Variants in SLC39A11 observed in about 807,000 individuals in gnomAD.
SLC39A11 encodes solute carrier family 39 member 11, also known as zinc transporter ZIP11.
A neutral mutation model predicts 36.1 loss-of-function variants in SLC39A11; 33 were observed. The ratio of observed to expected loss-of-function variants is 0.91; its 90% CI spans 0.69 to 1.22. The LOEUF (loss-of-function observed/expected upper bound fraction) is 1.22. Ranked by LOEUF, SLC39A11 falls within the 50% of genes most tolerant of loss-of-function variation. The pLI, the probability that SLC39A11 is intolerant of heterozygous loss-of-function variation, is 0.00. For synonymous variants in SLC39A11, 166 were observed against 170.3 expected (o/e 0.97, Z 0.20); for missense variants, 432 against 430.3 (o/e 1.00, Z -0.03).
chr17:72,811,068 C>CAAAAA (rs10707741), intron 6 of SLC39A11, among the ~76,000 whole-genome samples: 2 of 141,864 alleles, frequency 1.4e-5, no homozygotes, highest in Non-Finnish European at 1.6e-5. Flanking sequence ...TGAATAAAAG[C>CAAAAA]AAAAAAAAAA....
At chr17:72,722,884 C>T (rs946372338) in intron 7 of SLC39A11, among the ~76,000 whole-genome samples, 12 of 152,166 alleles carry the variant, frequency 7.9e-5, no homozygotes, top group Non-Finnish European at 1.3e-4. Context: ...GATCCACCAG[C>T]CTCGACCTCC....
At chr17:73,022,858 C>T (rs1161329154) in intron 4 of SLC39A11, among the ~76,000 whole-genome samples, 1 of 151,888 alleles carries the variant, frequency 6.6e-6, no homozygotes, top group Non-Finnish European at 1.5e-5. Context: ...CTATGAAGGG[C>T]CTGTGGCTTC....
chr17:72,910,813 G>A (rs988652744), intron 5 of SLC39A11, among the ~76,000 whole-genome samples: 4 of 150,542 alleles, frequency 2.7e-5, no homozygotes, highest in Admixed American at 2.0e-4. Flanking sequence ...TTTAATCCCA[G>A]CTACTCAGGA....
chr17:72,651,005 T>C (rs1277422658), intron 7 of SLC39A11, among the ~76,000 whole-genome samples: 1 of 152,080 alleles, frequency 6.6e-6, no homozygotes, highest in Non-Finnish European at 1.5e-5. Flanking sequence ...CTGTTTTTTT[T>C]ACCTTTATCC....
intron 6 of SLC39A11, among the ~76,000 whole-genome samples, chr17:72,750,802 G>A (rs1320889833): frequency 6.6e-6 from 1 of 151,826 alleles, no homozygotes; most frequent in African/African-American, 2.4e-5. Context: ...AAAAAAAACT[G>A]CCTTCCTTAC....
intron 5 of SLC39A11, among the ~76,000 whole-genome samples, chr17:72,941,228 G>A (rs931115811): frequency 4.6e-5 from 7 of 152,146 alleles, no homozygotes; most frequent in South Asian, 2.1e-4. Flanking sequence ...AGCCATGATC[G>A]CACCACTGCA....
Position 72,900,177 on chromosome 17 carries a change from G to GA in SLC39A11, c.430+47574dup, listed in dbSNP as rs71359747. Among the ~76,000 whole-genome samples the GA allele has an allele frequency of 1.8e-3, 251 of 140,336 alleles. 37 individuals carry two copies. Among genetic ancestry groups the GA allele is most frequent in the African/African-American group, 6.5e-3 (237 of 36,192 alleles). The allele number at this position is 140,336 out of a possible 152,430, so 92.1% of individuals were successfully genotyped here. ...GAAAAGAAAGAAAGAAAGAAAGAAA[G>GA]AAAGAAAGAAAGAAAGAAAGAAAGA... On this transcript the variant is annotated intron_variant, in intron 5 of 9. Coordinates refer to ENST00000255559, the MANE Select transcript of SLC39A11 (RefSeq NM_139177.4).
chr17:73,008,952 T>G lies in SLC39A11; in HGVS notation c.306+22604A>C, dbSNP rs532180350. Among the ~76,000 whole-genome samples the G allele has an allele frequency of 1.7e-4, 26 of 150,382 alleles. 1 individual carries two copies. The highest frequency in any genetic ancestry group is 5.7e-4 in the African/African-American group (23 of 40,410). ...AGCACATGCCTGTAGTCCCAGCTAC[T>G]CAGGAGGCTAAGGCCGGTGGATCAG... is the stretch of plus-strand genomic sequence containing the variant. On this transcript the variant is annotated intron_variant, in intron 4 of 9. Transcript: ENST00000255559.
chr17:73,069,644 A>G (rs1194527279), intron 3 of SLC39A11, among the ~76,000 whole-genome samples: 17 of 152,202 alleles, frequency 1.1e-4, no homozygotes, highest in Admixed American at 6.5e-4. Flanking sequence ...CCTCTCCACA[A>G]AGCACTTGTG....
intron 3 of SLC39A11, among the ~76,000 whole-genome samples, chr17:73,083,715 G>GA (rs11328122): frequency 6.6e-6 from 1 of 150,464 alleles, no homozygotes; most frequent in Non-Finnish European, 1.5e-5. Flanking sequence ...TTACTAGCAT[G>GA]AAAAAAAAAA....
At chr17:73,036,426 TTTTTG>T (rs1223536577) in intron 3 of SLC39A11, among the ~76,000 whole-genome samples, 2 of 146,056 alleles carry the variant, frequency 1.4e-5, no homozygotes, top group African/African-American at 5.3e-5. Context: ...GGCCATCGTT[TTTTTG>T]TTTTGTTTTT....
intron 7 of SLC39A11, among the ~76,000 whole-genome samples, chr17:72,698,458 CCAAAAAA>C (rs2072425324): frequency 1.9e-5 from 1 of 51,942 alleles, no homozygotes. Flanking sequence ...ATAATAAAAA[CCAAAAAA>C]AAAAAAAAAA....
rs1165334910 is a variant in SLC39A11 at position 73,047,966 on chromosome 17, C to CAAA, written c.148-16255_148-16253dup. On this transcript the variant is annotated intron_variant, in intron 3 of 9. Transcript: ENST00000255559. ...CTGGCGACAGAGCAAGACTCCATCT[C>CAAA]AAAAAAAAAAAAAAAAAAAAAAAAA... Among the ~76,000 whole-genome samples the CAAA allele has an allele frequency of 7.5e-3, 153 of 20,450 alleles. 21 individuals are homozygous for CAAA. The highest frequency in any genetic ancestry group is 0.01 in the Non-Finnish European group (122 of 11,634). 13.4% of individuals were successfully genotyped at this position (20,450 alleles called of 152,430 possible).
intron 6 of SLC39A11, among the ~76,000 whole-genome samples, chr17:72,738,936 T>C (rs975518918): frequency 2.6e-5 from 4 of 152,100 alleles, no homozygotes; most frequent in African/African-American, 7.2e-5. Context: ...ACTTATCCCA[T>C]GTTCAGGTGA....
At chr17:72,908,636 G>C (rs947573602) in intron 5 of SLC39A11, among the ~76,000 whole-genome samples, 1 of 152,164 alleles carries the variant, frequency 6.6e-6, no homozygotes, top group Non-Finnish European at 1.5e-5. Flanking sequence ...ACAGCCCATG[G>C]GGTGACCACC....
At position 73,091,449 on chromosome 17, in the gene SLC39A11, A is replaced by T. The variant is rs137958982; in HGVS notation, c.-12+1162T>A. Among the ~76,000 whole-genome samples the T allele has an allele frequency of 2.3e-3, 346 of 152,246 alleles. 3 individuals carry two copies. Among genetic ancestry groups the T allele is most frequent in the African/African-American group, 8.0e-3 (334 of 41,554 alleles). ...ACAGAGCAAGGCTCTGTCTCAAAAA[A>T]AAATAAAAATAAATAAATAAATAAA... On this transcript the variant is annotated intron_variant, in intron 1 of 9. Coordinates refer to ENST00000255559, the MANE Select transcript of SLC39A11 (RefSeq NM_139177.4).
chr17:72,737,448 A>T (rs4793481), intron 6 of SLC39A11, among the ~76,000 whole-genome samples: 1 of 151,986 alleles, frequency 6.6e-6, no homozygotes, highest in Non-Finnish European at 1.5e-5. Flanking sequence ...CTGAAATCTA[A>T]AATATTTACT....
chr17:72,828,863 G>A (rs993142790), intron 6 of SLC39A11, among the ~76,000 whole-genome samples: 1 of 152,190 alleles, frequency 6.6e-6, no homozygotes, highest in African/African-American at 2.4e-5. Context: ...TGCACCCACA[G>A]ATTTGATGAA....
intron 6 of SLC39A11, among the ~76,000 whole-genome samples, chr17:72,842,744 C>A (rs569855927): frequency 1.3e-5 from 2 of 152,178 alleles, no homozygotes; most frequent in African/African-American, 2.4e-5. Flanking sequence ...AGACCACCCC[C>A]ACAGATGCAC....
Sources: gnomAD v4.1 joint callset for allele counts (sites outside exome capture counted in the v4.1 genomes callset) on GRCh38, gnomAD v4.1.1 for gene constraint, MANE v1.5 for transcripts, NCBI Gene and HGNC (gene_info 2026-07-23, HGNC 2026-07-21) for gene names.